Variants in PLSCR4 observed in about 807,000 individuals in gnomAD.
The protein encoded by PLSCR4 is phospholipid scramblase 4.
A neutral mutation model predicts 36.3 loss-of-function variants in PLSCR4; 25 were observed. The ratio of observed to expected loss-of-function variants is 0.69; its 90% CI spans 0.50 to 0.96. The LOEUF is 0.96. PLSCR4 is among the 40% of genes least tolerant of loss of function. The pLI is 0.00. For synonymous variants in PLSCR4, 122 were observed against 132.9 expected, an observed-to-expected ratio of 0.92 and a Z score of 0.56; for missense variants, 408 against 414.7, an observed-to-expected ratio of 0.98 and a Z score of 0.14.
chr3:146,233,267 T>A (rs896175757), intron 1 of PLSCR4, among the ~76,000 whole-genome samples: 6 of 152,284 alleles, frequency 3.9e-5, no homozygotes, highest in African/African-American at 1.4e-4. Context: ...TAACTGGATA[T>A]GTTAAATTAT....
intron 1 of PLSCR4, among the ~76,000 whole-genome samples, chr3:146,237,190 C>T (rs947754871): frequency 6.6e-6 from 1 of 152,004 alleles, no homozygotes; most frequent in Non-Finnish European, 1.5e-5. Context: ...TAATCTTATA[C>T]AAATAAAACT....
At chr3:146,202,167 G>A (rs2034080861) in intron 4 of PLSCR4, among the ~76,000 whole-genome samples, 1 of 151,870 alleles carries the variant, frequency 6.6e-6, no homozygotes, top group Non-Finnish European at 1.5e-5. Context: ...ACATAAATAT[G>A]CCTCATAAAA....
intron 1 of PLSCR4, among the ~76,000 whole-genome samples, chr3:146,249,003 A>C (rs537388199): frequency 6.6e-6 from 1 of 152,132 alleles, no homozygotes; most frequent in East Asian, 1.9e-4. Flanking sequence ...TATTATTTGC[A>C]TTTCTTTTGC....
At chr3:146,237,885 G>T (rs371583911) in intron 1 of PLSCR4, among the ~76,000 whole-genome samples, 65 of 151,210 alleles carry the variant, frequency 4.3e-4, no homozygotes, top group African/African-American at 1.4e-3. Context: ...GAATAAAAAA[G>T]AAAATCAAAA....
Position 146,220,884 on chromosome 3 carries a change from C to G in PLSCR4, c.49G>C (p.Glu17Gln). The change falls in exon 3 of 9, where the codon GAA (glutamate) becomes CAA (glutamine). Residue 17 changes from glutamate (E) to glutamine (Q), a missense_variant. Physicochemically the swap from Glu to Gln is conservative, Grantham distance 29 (BLOSUM62 2). Transcript: ENST00000354952. ...TAPEQPAGEM[E>Q]NQTKPPDPRP... ...GGATCTGGTGGTTTTGTTTGATTTT[C>G]CATTTCACCTGCAGGCTGTTCAGGG... The G allele has an allele frequency of 1.2e-6, 2 of 1,613,750 alleles. No individual in the cohort carries two copies. The highest frequency in any genetic ancestry group is 1.7e-6 in the Non-Finnish European group (2 of 1,179,790).
intron 1 of PLSCR4, among the ~76,000 whole-genome samples, chr3:146,242,375 T>G (rs1049417569): frequency 7.2e-5 from 11 of 152,112 alleles, no homozygotes; most frequent in African/African-American, 2.7e-4. Flanking sequence ...GTGACCAAGT[T>G]AAGGTACCCA....
chr3:146,213,557 A>G (rs2034736693), intron 3 of PLSCR4, among the ~76,000 whole-genome samples: 1 of 152,146 alleles, frequency 6.6e-6, no homozygotes, highest in South Asian at 2.1e-4. Flanking sequence ...TCCTGACCTC[A>G]GGTGATCCAC....
chr3:146,204,235 A>T (rs1431904665), intron 4 of PLSCR4, among the ~76,000 whole-genome samples: 1 of 151,902 alleles, frequency 6.6e-6, no homozygotes, highest in Non-Finnish European at 1.5e-5. Flanking sequence ...GGGAACCTTG[A>T]TAAAGATTCA....
chr3:146,231,863 G>A (rs971758296), intron 1 of PLSCR4, among the ~76,000 whole-genome samples: 2 of 152,042 alleles, frequency 1.3e-5, no homozygotes, highest in African/African-American at 4.8e-5. Flanking sequence ...AGTTTAATTA[G>A]GTGCCACTTG....
chr3:146,194,887 T>A (rs1377107134), intron 8 of PLSCR4, among the ~76,000 whole-genome samples: 1 of 152,190 alleles, frequency 6.6e-6, no homozygotes, highest in African/African-American at 2.4e-5. Context: ...ACTCCCCTGG[T>A]CATTTTACCA....
At position 146,214,576 on chromosome 3, in the gene PLSCR4, G is replaced by C. The variant is rs2034804083; in HGVS notation, c.118+6239C>G. On this transcript the variant is annotated intron_variant, in intron 3 of 8. Coordinates refer to ENST00000354952, the MANE Select transcript of PLSCR4 (RefSeq NM_020353.3). ...GTGTGATGTTTTTTTTGCCCCTAGTGTCATTTAAAAGTATTCTTCTACCAC... is the reference window on the plus strand; with the variant it reads ...GTGTGATGTTTTTTTTGCCCCTAGTCTCATTTAAAAGTATTCTTCTACCAC... 2.6e-5 allele frequency among the ~76,000 whole-genome samples: 4 copies of C among 151,572 alleles called. 1 individual carries two copies. The South Asian group carries it at 8.3e-4, about 31-fold the overall frequency.
At chr3:146,202,927 C>T (rs1021699044) in intron 4 of PLSCR4, among the ~76,000 whole-genome samples, 41 of 152,034 alleles carry the variant, frequency 2.7e-4, no homozygotes, top group African/African-American at 9.7e-4. Flanking sequence ...GTCACATCTG[C>T]AGGTTCCACT....
intron 1 of PLSCR4, among the ~76,000 whole-genome samples, chr3:146,223,099 C>CATGTT (rs57894644): frequency 0.75 from 113,756 of 151,336 alleles, 42,853 homozygotes; most frequent in South Asian, 0.81. Flanking sequence ...TAGACTGGGG[C>CATGTT]ATGTTTAAGA....
At chr3:146,236,264 A>T (rs7632412) in intron 1 of PLSCR4, among the ~76,000 whole-genome samples, 4 of 151,866 alleles carry the variant, frequency 2.6e-5, no homozygotes, top group South Asian at 2.1e-4. Flanking sequence ...GGAGGTCCCC[A>T]GAGTCATCAA....
Position 146,195,165 on chromosome 3 carries a change from C to T in PLSCR4, c.904G>A (p.Val302Met), listed in dbSNP as rs1447471694. 3.7e-6 allele frequency: 6 copies of T among 1,613,970 alleles called. No homozygotes were observed. In the South Asian group the frequency reaches 6.6e-5, roughly 18 times the overall value. Residue 302 changes from valine to methionine, a missense_variant, in exon 8 of 9, where the codon GTG becomes ATG. Transcript: ENST00000354952. ...CCAAAAATCATGGCTTTCATCTTCA[C>T]ATCCAGGTCTAGTGGGAAGTGAATG... The part of the protein sequence containing the change: ...FDIHFPLDLD[V>M]KMKAMIFGAC...
chr3:146,206,917 C>T (rs1262723261), intron 3 of PLSCR4, among the ~76,000 whole-genome samples, 156 bp from the exon 4 acceptor site: 1 of 152,062 alleles, frequency 6.6e-6, no homozygotes, highest in Non-Finnish European at 1.5e-5. Context: ...TTGCATATGA[C>T]CCAACGATGT....
At chr3:146,218,271 T>C (rs1370736755) in intron 3 of PLSCR4, among the ~76,000 whole-genome samples, 1 of 152,124 alleles carries the variant, frequency 6.6e-6, no homozygotes, top group African/African-American at 2.4e-5. Context: ...ATCCATACCT[T>C]CTTTTTTTAA....
intron 4 of PLSCR4, among the ~76,000 whole-genome samples, chr3:146,203,973 C>T (rs1301936543): frequency 6.6e-6 from 1 of 152,008 alleles, no homozygotes; most frequent in Non-Finnish European, 1.5e-5. Flanking sequence ...ACATGCCTTC[C>T]TCATTAAGCT....
intron 1 of PLSCR4, among the ~76,000 whole-genome samples, chr3:146,249,341 C>G (rs2036462577): frequency 6.6e-6 from 1 of 152,028 alleles, no homozygotes; most frequent in African/African-American, 2.4e-5. Context: ...GGAAAAGTTC[C>G]AGTTTTATTA....
Sources: gnomAD v4.1 joint callset for allele counts (sites outside exome capture counted in the v4.1 genomes callset) on GRCh38, gnomAD v4.1.1 for gene constraint, MANE v1.5 for transcripts, NCBI Gene and HGNC (gene_info 2026-07-23, HGNC 2026-07-21) for gene names.